TRAPPC8: variants seen among roughly 807,000 people sequenced by gnomAD.
TRAPPC8 encodes general sporulation gene 1 homolog.
A neutral mutation model predicts 174.3 loss-of-function variants in TRAPPC8; 54 were observed. That is an observed-to-expected ratio of 0.31 (90% CI 0.25 to 0.39). The LOEUF (loss-of-function observed/expected upper bound fraction) is 0.39. TRAPPC8 is among the 10% of genes least tolerant of loss of function. The probability of loss-of-function intolerance (pLI) is 1.00; values close to 1 mark genes in which losing one functional copy is unlikely to be tolerated. For synonymous variants in TRAPPC8, 630 were observed against 579.9 expected, an observed-to-expected ratio of 1.09 and a Z score of -1.24; for missense variants, 1,531 against 1,699.1, an observed-to-expected ratio of 0.90 and a Z score of 1.74.
At position 31,874,438 on chromosome 18, in the gene TRAPPC8, TAC is replaced by T. The variant is rs1568073244; in HGVS notation, c.1953+40_1953+41del. On this transcript the variant is annotated intron_variant, in intron 13 of 28. Coordinates refer to ENST00000283351, the MANE Select transcript of TRAPPC8 (RefSeq NM_014939.5). ...ATAAATAAATACTTTCACACTAAAA[TAC>T]AGTTTTAATATCTATTCCTGAATGA... The T allele has an allele frequency of 3.9e-6, 6 of 1,536,380 alleles. No individual in the cohort carries two copies. The Admixed American group carries it at 5.0e-5, about 13-fold the overall frequency.
At chr18:31,906,931 T>C (rs1300439570) in intron 9 of TRAPPC8, among the ~76,000 whole-genome samples, 1 of 152,184 alleles carries the variant, frequency 6.6e-6, no homozygotes, top group Non-Finnish European at 1.5e-5. Context: ...AAGTACATGT[T>C]CTTGATGTAT....
In TRAPPC8 at chr18:31,829,979, T is replaced by G. The variant is rs972092533; in HGVS notation, c.*776A>C. 8.5e-5 allele frequency: 13 copies of G among 152,660 alleles called. No individual in the cohort carries two copies. Among genetic ancestry groups the G allele is most frequent in the African/African-American group, 3.1e-4 (13 of 41,456 alleles). The allele number at this position is 152,660 out of a possible 1,614,324, so 9.5% of individuals were successfully genotyped here. ...TGTCTTTATTCTATTTACAGTATAT[T>G]TGTTATAAATATAATACATTTTTGA... On this transcript the variant is annotated 3_prime_UTR_variant, in exon 29 of 29. Coordinates refer to ENST00000283351, the MANE Select transcript of TRAPPC8 (RefSeq NM_014939.5).
chr18:31,890,584 T>C, intron 12 of TRAPPC8, 151 bp downstream of exon 12: 1 of 693,298 alleles, frequency 1.4e-6, no homozygotes, highest in Non-Finnish European at 2.0e-6. Flanking sequence ...TATAGCCAGA[T>C]TTGTCTAAAT....
intron 24 of TRAPPC8, 109 bp downstream of exon 24, chr18:31,852,337 C>A: frequency 8.3e-7 from 1 of 1,210,890 alleles, no homozygotes; most frequent in South Asian, 1.4e-5. Context: ...ACCTTGTCTC[C>A]CCCCCAAAAA....
intron 14 of TRAPPC8, among the ~76,000 whole-genome samples, chr18:31,872,271 A>C (rs1351007511): frequency 6.6e-6 from 1 of 152,154 alleles, no homozygotes; most frequent in Non-Finnish European, 1.5e-5. Flanking sequence ...CTTTTGTTCC[A>C]TTATTGCCAT....
chr18:31,902,927 T>C (rs1231569369), intron 9 of TRAPPC8, among the ~76,000 whole-genome samples: 2 of 151,814 alleles, frequency 1.3e-5, no homozygotes, highest in African/African-American at 2.4e-5. Context: ...CGGGCGCCTG[T>C]AGTCCCAGCT....
chr18:31,898,469 G>T (rs749228891), intron 10 of TRAPPC8, among the ~76,000 whole-genome samples: 5 of 152,188 alleles, frequency 3.3e-5, no homozygotes, highest in African/African-American at 4.8e-5. Flanking sequence ...AAAAAAGCTA[G>T]AACTGGTTCC....
At chr18:31,868,566 A>C (rs1568065408) in intron 16 of TRAPPC8, among the ~76,000 whole-genome samples, 1 of 152,340 alleles carries the variant, frequency 6.6e-6, no homozygotes, top group East Asian at 1.9e-4. Flanking sequence ...GAAGTTGCTA[A>C]AATTCAAGTC....
intron 27 of TRAPPC8, among the ~76,000 whole-genome samples, chr18:31,834,640 T>C (rs1303291688): frequency 6.6e-6 from 1 of 152,200 alleles, no homozygotes; most frequent in Non-Finnish European, 1.5e-5. Context: ...TGTGATTAGG[T>C]AAAACATGTT....
intron 12 of TRAPPC8, among the ~76,000 whole-genome samples, chr18:31,887,507 G>A (rs1284429530): frequency 6.6e-6 from 1 of 151,992 alleles, no homozygotes; most frequent in African/African-American, 2.4e-5. Context: ...TTACCCGGGT[G>A]TGATGGCAGG....
intron 25 of TRAPPC8, among the ~76,000 whole-genome samples, chr18:31,847,528 A>G (rs1368722057): frequency 6.6e-6 from 1 of 152,214 alleles, no homozygotes; most frequent in Non-Finnish European, 1.5e-5. Flanking sequence ...TACTCAGTCA[A>G]AATGCTATCA....
intron 2 of TRAPPC8, among the ~76,000 whole-genome samples, chr18:31,923,656 C>T (rs543804036): frequency 7.2e-5 from 11 of 151,728 alleles, no homozygotes; most frequent in East Asian, 3.9e-4. Context: ...CTAAAATTAA[C>T]GTAGTACTTC....
chr18:31,880,091 A>AAAAAG (rs1491105519), intron 12 of TRAPPC8, among the ~76,000 whole-genome samples: 1 of 70,248 alleles, frequency 1.4e-5, no homozygotes, highest in Non-Finnish European at 2.9e-5. Context: ...GAAAAAAAAA[A>AAAAAG]TATATATATA....
chr18:31,838,324 C>A (rs979201922), intron 27 of TRAPPC8, among the ~76,000 whole-genome samples: 1 of 152,120 alleles, frequency 6.6e-6, no homozygotes, highest in Non-Finnish European at 1.5e-5. Context: ...TTATAACTAC[C>A]CCCTGAAATG....
At chr18:31,874,791 TTAAG>T (rs1351362959) in intron 12 of TRAPPC8, 87 bp from the exon 13 acceptor site, 5 of 1,102,600 alleles carry the variant, frequency 4.5e-6, no homozygotes, top group Admixed American at 2.5e-5. Context: ...ATAGAAACAA[TTAAG>T]TAACTGGTTC....
At chr18:31,855,575 TAAAGGA>T (rs2033957110) in intron 21 of TRAPPC8, 79 bp downstream of exon 21, 1 of 1,219,914 alleles carries the variant, frequency 8.2e-7, no homozygotes, top group South Asian at 1.5e-5. Flanking sequence ...TGCTGTCTTG[TAAAGGA>T]AAACAAAAAC....
At chr18:31,940,652 C>T (rs2038292745) in intron 1 of TRAPPC8, among the ~76,000 whole-genome samples, 1 of 151,886 alleles carries the variant, frequency 6.6e-6, no homozygotes, top group African/African-American at 2.4e-5. Context: ...GCGCCCACCA[C>T]CACGCCCAGC....
intron 10 of TRAPPC8, 110 bp downstream of exon 10, chr18:31,900,807 CTCAACTTG>C (rs888604156): frequency 1.6e-4 from 113 of 726,446 alleles, no homozygotes; most frequent in Non-Finnish European, 2.3e-4. Flanking sequence ...TAAAAATCAC[CTCAACTTG>C]TCTCCGACTA....
chr18:31,935,771 C>T (rs1218619851), intron 1 of TRAPPC8, among the ~76,000 whole-genome samples: 3 of 150,624 alleles, frequency 2.0e-5, no homozygotes, highest in African/African-American at 7.3e-5. Context: ...AGTCTCGCTC[C>T]GTCACCCAGG....
Sources: allele counts gnomAD v4.1 joint callset (sites outside exome capture counted in the v4.1 genomes callset), GRCh38; gene constraint gnomAD v4.1.1; transcripts MANE v1.5; gene names NCBI Gene and HGNC (gene_info 2026-07-23, HGNC 2026-07-21).